Variants in ATAD2B observed in about 807,000 individuals in gnomAD.
ATAD2B encodes the protein ATPase family AAA domain-containing protein 2B.
A neutral mutation model predicts 167.6 loss-of-function variants in ATAD2B; 40 were observed. The ratio of observed to expected loss-of-function variants is 0.24; its 90% CI spans 0.19 to 0.31. The LOEUF (loss-of-function observed/expected upper bound fraction) is 0.31, where lower values mean the gene tolerates loss of function less well. Among genes scored for constraint, ATAD2B ranks in the 10% least tolerant of loss-of-function variants. The probability of loss-of-function intolerance (pLI) is 1.00; values close to 1 mark genes in which losing one functional copy is unlikely to be tolerated. For synonymous variants in ATAD2B, 579 were observed against 596.5 expected (o/e 0.97, Z 0.43); for missense variants, 1,242 against 1,757.2 (o/e 0.71, Z 5.24).
intron 6 of ATAD2B, among the ~76,000 whole-genome samples, chr2:23,882,502 TAAA>T (rs770725105): frequency 1.2e-4 from 11 of 92,226 alleles, no homozygotes; most frequent in African/African-American, 3.7e-4. Context: ...AGCCTCTATT[TAAA>T]AAAAAAAAAA....
In ATAD2B at chr2:23,750,337, A is replaced by G. The variant is rs1242931982; in HGVS notation, c.*1709T>C. 1 of 152,142 alleles carries G rather than the reference A, an allele frequency of 6.6e-6. No individual in the cohort carries two copies. The highest frequency in any genetic ancestry group is 2.4e-5 in the African/African-American group (1 of 41,450). 9.4% of individuals were successfully genotyped at this position (152,142 alleles called of 1,614,324 possible). On this transcript the variant is annotated 3_prime_UTR_variant, in exon 28 of 28. Transcript: ENST00000238789. ...GCATTTAAAAAAAAATTAAGCTAGA[A>G]TTAGAAGGCGTTAGATGTAAATGTA...
At chr2:23,850,092 G>A (rs1191195118) in intron 13 of ATAD2B, among the ~76,000 whole-genome samples, 1 of 146,120 alleles carries the variant, frequency 6.8e-6, no homozygotes, top group Non-Finnish European at 1.5e-5. Flanking sequence ...GCAGTGAGCT[G>A]AGATCGCGCC....
intron 9 of ATAD2B, 125 bp downstream of exon 9, chr2:23,869,538 C>G (rs1695608959): frequency 1.5e-6 from 1 of 678,886 alleles, no homozygotes; most frequent in Admixed American, 2.5e-5. Context: ...AAGTAGAAAC[C>G]AAGTCAATGT....
In ATAD2B at chr2:23,760,690, TTATA is replaced by T. The variant is rs60333740; in HGVS notation, c.3394+1515_3394+1518del. 8.8e-3 allele frequency among the ~76,000 whole-genome samples: 1,044 copies of T among 118,322 alleles called. 17 individuals carry two copies. Among genetic ancestry groups the T allele is most frequent in the Middle Eastern group, 0.034 (8 of 232 alleles). 77.6% of individuals were successfully genotyped at this position (118,322 alleles called of 152,430 possible). A position where few individuals can be genotyped will look rare whatever the true frequency, so the allele number is the denominator to read the frequency against. On this transcript the variant is annotated intron_variant, in intron 24 of 27. Coordinates refer to ENST00000238789, the MANE Select transcript of ATAD2B (RefSeq NM_017552.4). ...AGAAAAAAAAAAAAAATAAATAAAT[TTATA>T]TATATACACACACACACACACACAC...
the ATAD2B span, among the ~76,000 whole-genome samples, chr2:23,727,320 A>G: frequency 2.0e-5 from 3 of 152,226 alleles, no homozygotes; most frequent in Middle Eastern, 3.2e-3. Context: ...CATATGACAA[A>G]ATGCTCAACG....
At chr2:23,834,152 C>CTTTTTTTTTTTTTTTTTT (rs11378615) in intron 13 of ATAD2B, 74 bp from the exon 14 acceptor site, 1 of 116,844 alleles carries the variant, frequency 8.6e-6, no homozygotes, top group African/African-American at 5.4e-5. Flanking sequence ...ATCAGTCTTT[C>CTTTTTTTTTTTTTTTTTT]TTTTTTTTTT....
chr2:23,770,183 G>A (rs6719093), intron 22 of ATAD2B, among the ~76,000 whole-genome samples: 262 of 151,942 alleles, frequency 1.7e-3, no homozygotes, highest in African/African-American at 5.6e-3. Flanking sequence ...GGGCATGGTG[G>A]TGTGTGCCTA....
chr2:23,763,361 A>T (rs1234192979), intron 23 of ATAD2B, among the ~76,000 whole-genome samples: 1 of 152,230 alleles, frequency 6.6e-6, no homozygotes, highest in Non-Finnish European at 1.5e-5. Flanking sequence ...TTACTGAGAT[A>T]CAATTTATAT....
intron 7 of ATAD2B, 77 bp from the exon 8 acceptor site, chr2:23,875,981 T>G (rs1696760904): frequency 9.1e-7 from 1 of 1,095,206 alleles, no homozygotes; most frequent in Admixed American, 2.2e-5. Context: ...TAGAAATGAC[T>G]TCTGCTCACT....
chr2:23,756,859 C>T (rs2551325), intron 25 of ATAD2B, among the ~76,000 whole-genome samples: 24,154 of 152,124 alleles, frequency 0.16, 2,024 homozygotes, highest in Middle Eastern at 0.26. Flanking sequence ...AAATACACGA[C>T]TTATTTAATC....
the ATAD2B span, among the ~76,000 whole-genome samples, chr2:23,698,535 T>C: frequency 2.3e-4 from 35 of 150,854 alleles, no homozygotes; most frequent in Non-Finnish European, 4.6e-4. Context: ...ATGGCTATTA[T>C]ATTGATAATG....
At chr2:23,922,464 T>C (rs1704077409) in intron 1 of ATAD2B, among the ~76,000 whole-genome samples, 1 of 151,106 alleles carries the variant, frequency 6.6e-6, no homozygotes, top group South Asian at 2.1e-4. Context: ...GTGTGGGCAT[T>C]GTGGGTAATG....
chr2:23,926,498 C>A (rs1287269627), intron 1 of ATAD2B, 57 bp downstream of exon 1: 1 of 1,516,716 alleles, frequency 6.6e-7, no homozygotes, highest in Non-Finnish European at 8.8e-7. Flanking sequence ...CCAGACAAAG[C>A]CCCGGCAGCA....
chr2:23,891,432 T>C (rs1699472199), intron 2 of ATAD2B, among the ~76,000 whole-genome samples: 1 of 152,148 alleles, frequency 6.6e-6, no homozygotes, highest in Non-Finnish European at 1.5e-5. Context: ...TAGCTATTTT[T>C]TGAAAAGAAG....
chr2:23,796,993 T>G (rs1053967464), intron 19 of ATAD2B, among the ~76,000 whole-genome samples: 1 of 152,176 alleles, frequency 6.6e-6, no homozygotes, highest in Non-Finnish European at 1.5e-5. Context: ...TTAGTGATCT[T>G]CCTATACTAT....
chr2:23,902,365 T>C (rs1700949564), intron 1 of ATAD2B, among the ~76,000 whole-genome samples: 1 of 152,172 alleles, frequency 6.6e-6, no homozygotes, highest in African/African-American at 2.4e-5. Flanking sequence ...GGGATTTAAG[T>C]AAAGTAAGCA....
At chr2:23,764,230 C>A (rs1677115359) in intron 23 of ATAD2B, among the ~76,000 whole-genome samples, 1 of 152,218 alleles carries the variant, frequency 6.6e-6, no homozygotes, top group Non-Finnish European at 1.5e-5. Context: ...TCTTCCTACC[C>A]TGGCACATTG....
At chr2:23,683,780 T>C in the ATAD2B span, among the ~76,000 whole-genome samples, 5 of 152,248 alleles carry the variant, frequency 3.3e-5, no homozygotes, top group East Asian at 9.7e-4. Flanking sequence ...TCCCTGTCCC[T>C]TGCTTGCTTG....
At chr2:23,867,998 A>T (rs1378426265) in intron 9 of ATAD2B, 52 bp from the exon 10 acceptor site, 2 of 1,214,574 alleles carry the variant, frequency 1.6e-6, no homozygotes, top group Non-Finnish European at 2.4e-6. Flanking sequence ...TCACATTTTT[A>T]ATGTCAAAAT....
Sources: allele counts gnomAD v4.1 joint callset (sites outside exome capture counted in the v4.1 genomes callset), GRCh38; gene constraint gnomAD v4.1.1; transcripts MANE v1.5; gene names NCBI Gene and HGNC (gene_info 2026-07-23, HGNC 2026-07-21).